The following PCDHGC3 variants were observed in gnomAD, a reference collection of about 807,000 sequenced individuals.
The protein encoded by PCDHGC3 is protocadherin gamma subfamily C, 3, also known as protocadherin gamma-C3.
In PCDHGC3, 26 loss-of-function variants were observed where a neutral mutation model predicts 59.2. The observed-to-expected ratio is 0.44, with a 90% CI of 0.32 to 0.61. The LOEUF (loss-of-function observed/expected upper bound fraction) is 0.61. Among genes scored for constraint, PCDHGC3 ranks in the 20% least tolerant of loss-of-function variants. The pLI is 0.05. For missense variants in PCDHGC3, 1,080 were observed against 1,221.8 expected (o/e 0.88, Z 1.73); for synonymous variants, 487 against 519.7 (o/e 0.94, Z 0.86).
chr5:141,477,431 G>T lies in PCDHGC3; in HGVS notation c.1315G>T (p.Ala439Ser). 3 of 1,614,080 alleles carry T rather than the reference G, an allele frequency of 1.9e-6. No homozygotes were observed. The highest frequency in any genetic ancestry group is 2.5e-6 in the Non-Finnish European group (3 of 1,180,012). The change falls in exon 1 of 4, where the codon GCC becomes TCC. Residue 439 changes from alanine to serine, a missense_variant. Physicochemically the swap from Ala to Ser is moderately conservative, Grantham distance 99 (BLOSUM62 1). Transcript: ENST00000308177. This position sits in a 1 kb window ranked among gnomAD's most constrained non-coding sequence, Gnocchi z 4.9. ...AGACGCCGGAACCCCTTCCCTCTCA[G>T]CCCTTACAATAGTGCGTGTTCAAGT... Reference protein sequence around the residue: ...ARDAGTPSLSALTIVRVQVSD... With the variant: ...ARDAGTPSLSSLTIVRVQVSD...
chr5:141,477,817 C>G lies in PCDHGC3; in HGVS notation c.1701C>G (p.Val567=), dbSNP rs1593824080. 2 of 1,614,138 alleles carry G rather than the reference C, an allele frequency of 1.2e-6. No individual in the cohort carries two copies. The highest frequency in any genetic ancestry group is 8.5e-7 in the Non-Finnish European group (1 of 1,180,038). ...ATCGCAATGACAATGCCCCCCAGGT[C>G]CTATATCCTCGGCCAGGTGGGAGCT... is the stretch of plus-strand genomic sequence containing the variant. ...VTDRNDNAPQ[V]LYPRPGGSSV... The change falls in exon 1 of 4, where the codon GTC becomes GTG. Residue 567 remains valine (V), a synonymous_variant. Coordinates refer to ENST00000308177, the MANE Select transcript of PCDHGC3 (RefSeq NM_002588.4). This position sits in a 1 kb window ranked among gnomAD's most constrained non-coding sequence, Gnocchi z 4.9.
At position 141,476,683 on chromosome 5, in the gene PCDHGC3, C is replaced by T; in HGVS notation, c.567C>T (p.Asp189=). The T allele has an allele frequency of 1.9e-6, 3 of 1,614,242 alleles. No homozygotes were observed. Among genetic ancestry groups the T allele is most frequent in the Non-Finnish European group, 2.5e-6 (3 of 1,180,052 alleles). ...YFALRVQTRE[D]STKYAELVLE... ...CGCTTCGCGTGCAGACGCGGGAGGA[C>T]AGCACCAAGTACGCGGAGCTGGTGT... The change falls in exon 1 of 4, where the codon GAC becomes GAT. Residue 189 remains aspartate (D), a synonymous_variant. Coordinates refer to ENST00000308177, the MANE Select transcript of PCDHGC3 (RefSeq NM_002588.4). The surrounding 1 kb of genome is among the most constrained non-coding windows in gnomAD (Gnocchi z 7.6).
At chr5:141,510,674 GGCAT>G (rs1388331907) in intron 3 of PCDHGC3, among the ~76,000 whole-genome samples, 6 of 152,132 alleles carry the variant, frequency 3.9e-5, no homozygotes, top group Non-Finnish European at 8.8e-5. Flanking sequence ...AAACTGAAGT[GGCAT>G]AAGGAGGTTA....
At position 141,489,180 on chromosome 5, in the gene PCDHGC3, C is replaced by G. The variant is rs942218118; in HGVS notation, c.2431-5627C>G. On this transcript the variant is annotated intron_variant, in intron 1 of 3. Transcript: ENST00000308177. This position sits in a 1 kb window ranked among gnomAD's most constrained non-coding sequence, Gnocchi z 4.5. ...GACTTCAGCTGCTGCATTCCAAGCC[C>G]TGGGTCTACCTTGGAGACAGGACAG... The G allele has an allele frequency of 1.8e-5, 23 of 1,259,630 alleles. No homozygotes were observed. In the South Asian group the frequency reaches 3.0e-4, roughly 17 times the overall value. The allele number at this position is 1,259,630 out of a possible 1,614,324, so 78.0% of individuals were successfully genotyped here.
In PCDHGC3 at chr5:141,491,607, T is replaced by G; in HGVS notation, c.2431-3200T>G. On this transcript the variant is annotated intron_variant, in intron 1 of 3. Coordinates refer to ENST00000308177, the MANE Select transcript of PCDHGC3 (RefSeq NM_002588.4). The surrounding 1 kb of genome is among the most constrained non-coding windows in gnomAD (Gnocchi z 6.9). ...CCTCGGACGGCAGTGACTTCACTTT[T>G]CTAAGACCCCTCAGCGTTCAGCAGC... 6.2e-7 allele frequency: 1 copy of G among 1,613,932 alleles called. No homozygotes were observed. The highest frequency in any genetic ancestry group is 1.1e-5 in the South Asian group (1 of 91,084).
Position 141,496,029 on chromosome 5 carries a change from C to T in PCDHGC3, c.2489+1164C>T, listed in dbSNP as rs548231443. ...TTGTCTTTTTTCTCTGAGCCTCTGTCTCTGTCTCTCATTTTTTTGTGCTTG... is the reference window on the plus strand; with the variant it reads ...TTGTCTTTTTTCTCTGAGCCTCTGTTTCTGTCTCTCATTTTTTTGTGCTTG... On this transcript the variant is annotated intron_variant, in intron 2 of 3. Coordinates refer to ENST00000308177, the MANE Select transcript of PCDHGC3 (RefSeq NM_002588.4). Among the ~76,000 whole-genome samples, 3 of 152,088 alleles carry T rather than the reference C, an allele frequency of 2.0e-5. No individual in the cohort carries two copies. In the East Asian group the frequency reaches 5.8e-4, roughly 29 times the overall value.
At position 141,487,198 on chromosome 5, in the gene PCDHGC3, T is replaced by A; in HGVS notation, c.2431-7609T>A. The A allele has an allele frequency of 1.2e-6, 2 of 1,613,854 alleles. No individual in the cohort carries two copies. The highest frequency in any genetic ancestry group is 1.7e-6 in the Non-Finnish European group (2 of 1,179,722). ...AAGACACTCATCCAGTTGTCCCAGATCTTCGAGAATCTTCAGCTCCAAGGG... is the reference window on the plus strand; with the variant it reads ...AAGACACTCATCCAGTTGTCCCAGAACTTCGAGAATCTTCAGCTCCAAGGG... On this transcript the variant is annotated intron_variant, in intron 1 of 3. Transcript: ENST00000308177. The surrounding 1 kb of genome is among the most constrained non-coding windows in gnomAD (Gnocchi z 5.0).
rs948944459 is a variant in PCDHGC3 at position 141,476,485 on chromosome 5, G to T, written c.369G>T (p.Val123=). 1 of 1,614,076 alleles carries T rather than the reference G, an allele frequency of 6.2e-7. No individual in the cohort carries two copies. The highest frequency in any genetic ancestry group is 8.5e-7 in the Non-Finnish European group (1 of 1,180,016). ...CGCTGGAGCTGTTCAGCGTGGAAGT[G>T]GTGATCCAGGACATCAACGACAACA... is the stretch of plus-strand genomic sequence containing the variant. ...ENPLELFSVE[V]VIQDINDNNP... The change falls in exon 1 of 4, where the codon GTG becomes GTT. Residue 123 remains valine (V), a synonymous_variant. Coordinates refer to ENST00000308177, the MANE Select transcript of PCDHGC3 (RefSeq NM_002588.4). The surrounding 1 kb of genome is among the most constrained non-coding windows in gnomAD (Gnocchi z 7.6).
At chr5:141,496,310 A>G (rs1446146598) in intron 2 of PCDHGC3, among the ~76,000 whole-genome samples, 1 of 152,218 alleles carries the variant, frequency 6.6e-6, no homozygotes, top group East Asian at 1.9e-4. Context: ...GCTCTGCGCC[A>G]GGCCTCCCAG....
chr5:141,478,531 C>G lies in PCDHGC3; in HGVS notation c.2415C>G (p.Ser805Arg), dbSNP rs771145308. Residue 805 changes from serine to arginine, a missense_variant, in exon 1 of 4, where the codon AGC (serine) becomes AGG (arginine). By Grantham distance (110) the Ser-to-Arg change is moderately radical. Transcript: ENST00000308177. Reference protein sequence around the residue: ...VFYRQVLGAESAPPGQQAPPN... With the variant: ...VFYRQVLGAERAPPGQQAPPN... ...ATAGGCAGGTGTTGGGTGCAGAGAG[C>G]GCCCCTCCCGGACAGGTAAGGTTTA... 2 of 1,608,190 alleles carry G rather than the reference C, an allele frequency of 1.2e-6. No individual in the cohort carries two copies. Among genetic ancestry groups the G allele is most frequent in the East Asian group, 2.2e-5 (1 of 44,664 alleles).
chr5:141,510,795 G>T (rs994874330), intron 3 of PCDHGC3, 152 bp from the exon 4 acceptor site: 6 of 1,465,214 alleles, frequency 4.1e-6, no homozygotes. Flanking sequence ...CTTGTGAAGA[G>T]AGACTACCTT....
chr5:141,500,232 G>A (rs1024752888), intron 2 of PCDHGC3, among the ~76,000 whole-genome samples: 1 of 137,690 alleles, frequency 7.3e-6, no homozygotes, highest in South Asian at 2.3e-4. Flanking sequence ...TTATTGATAC[G>A]TAGCCTTGCT....
chr5:141,501,897 C>T (rs796164763), intron 2 of PCDHGC3, among the ~76,000 whole-genome samples: 17 of 152,230 alleles, frequency 1.1e-4, no homozygotes, highest in African/African-American at 3.4e-4. Flanking sequence ...ATCATGGTTC[C>T]AACCCCACTG....
rs780578882 is a variant in PCDHGC3 at position 141,486,578 on chromosome 5, C to T, written c.2430+8032C>T. On this transcript the variant is annotated intron_variant, in intron 1 of 3. Coordinates refer to ENST00000308177, the MANE Select transcript of PCDHGC3 (RefSeq NM_002588.4). This position sits in a 1 kb window ranked among gnomAD's most constrained non-coding sequence, Gnocchi z 5.0. ...TGAGGTGTTTGTTCCTGAGAACAAT[C>T]GCCCAGGGGACCTGCTTTGCTCCCT... 1.6e-5 allele frequency: 26 copies of T among 1,613,728 alleles called. No homozygotes were observed. The highest frequency in any genetic ancestry group is 2.2e-5 in the South Asian group (2 of 91,072).
chr5:141,509,765 T>G (rs1312823974), intron 3 of PCDHGC3, among the ~76,000 whole-genome samples: 2 of 152,120 alleles, frequency 1.3e-5, no homozygotes, highest in Non-Finnish European at 1.5e-5. Flanking sequence ...GTCCCTGAGA[T>G]GTCTAGTCCC....
At chr5:141,481,327 T>C (rs2099535776) in intron 1 of PCDHGC3, among the ~76,000 whole-genome samples, 1 of 152,244 alleles carries the variant, frequency 6.6e-6, no homozygotes, top group Non-Finnish European at 1.5e-5. Context: ...CACTAGCCCC[T>C]GGACAACTAT....
chr5:141,477,536 G>T lies in PCDHGC3; in HGVS notation c.1420G>T (p.Ala474Ser). 1.2e-6 allele frequency: 2 copies of T among 1,614,076 alleles called. No homozygotes were observed. Among genetic ancestry groups the T allele is most frequent in the Non-Finnish European group, 1.7e-6 (2 of 1,180,018 alleles). ...CATTGAAGAAAACAACCTCCCCGGG[G>T]CTCCAATACTAAACCTAAGTGTCTG... ...VYIEENNLPG[A>S]PILNLSVWDP... The change falls in exon 1 of 4, where the codon GCT becomes TCT. Residue 474 changes from alanine to serine, a missense_variant. Physicochemically the swap from Ala to Ser is moderately conservative, Grantham distance 99. Coordinates refer to ENST00000308177, the MANE Select transcript of PCDHGC3 (RefSeq NM_002588.4). The surrounding 1 kb of genome is among the most constrained non-coding windows in gnomAD (Gnocchi z 4.9).
chr5:141,505,528 C>T (rs746609783), intron 3 of PCDHGC3, 47 bp downstream of exon 3: 4 of 1,612,320 alleles, frequency 2.5e-6, no homozygotes, highest in Non-Finnish European at 3.4e-6. Context: ...ACCTGGGGTT[C>T]TGGGGTGCAT....
rs2099713635 is a variant in PCDHGC3, at chr5:141,491,418, T to C, written c.2431-3389T>C. The C allele has an allele frequency of 6.2e-7, 1 of 1,613,796 alleles. No individual in the cohort carries two copies. Among genetic ancestry groups the C allele is most frequent in the Non-Finnish European group, 8.5e-7 (1 of 1,179,944 alleles). On this transcript the variant is annotated intron_variant, in intron 1 of 3. Transcript: ENST00000308177. The surrounding 1 kb of genome is among the most constrained non-coding windows in gnomAD (Gnocchi z 6.9). The stretch of plus-strand genomic sequence containing the variant: ...AGGGAAACGCAGACGGGGACGGGGG[T>C]GGAGGGCAGTGCTGCAGGCGCCAGG...
Sources: allele counts gnomAD v4.1 joint callset (sites outside exome capture counted in the v4.1 genomes callset), GRCh38; gene constraint gnomAD v4.1.1; non-coding constraint Gnocchi (gnomAD v3.1); transcripts MANE v1.5; gene names NCBI Gene and HGNC (gene_info 2026-07-23, HGNC 2026-07-21).